Variants in EVI5 observed in about 807,000 individuals in gnomAD.
The protein encoded by EVI5 is ecotropic viral integration site 5, also known as ecotropic viral integration site 5 protein homolog.
EVI5 carries 73 observed loss-of-function variants against 112.0 expected under a neutral mutation model. The ratio of observed to expected loss-of-function variants is 0.65; its 90% CI spans 0.54 to 0.79. The LOEUF (loss-of-function observed/expected upper bound fraction) is 0.79. Ranked by LOEUF, EVI5 falls within the 30% of genes least tolerant of loss-of-function variation. The pLI is 0.00. For synonymous variants in EVI5, 305 were observed against 319.9 expected (o/e 0.95, Z 0.50); for missense variants, 900 against 968.8 (o/e 0.93, Z 0.94).
intron 13 of EVI5, among the ~76,000 whole-genome samples, chr1:92,654,333 G>A (rs545733200): frequency 6.6e-6 from 1 of 152,212 alleles, no homozygotes; most frequent in Non-Finnish European, 1.5e-5. Context: ...AATGAGATAA[G>A]ATTCTTGAGA....
At chr1:92,665,015 G>T (rs1664643493) in intron 11 of EVI5, among the ~76,000 whole-genome samples, 1 of 152,090 alleles carries the variant, frequency 6.6e-6, no homozygotes, top group Non-Finnish European at 1.5e-5. Context: ...GATCATCTTG[G>T]CCAACATGGT....
At chr1:92,688,239 T>G (rs1668889696) in intron 9 of EVI5, among the ~76,000 whole-genome samples, 1 of 152,120 alleles carries the variant, frequency 6.6e-6, no homozygotes, top group Non-Finnish European at 1.5e-5. Flanking sequence ...TGCAGGGACA[T>G]GGATGAAGCT....
chr1:92,655,685 C>G (rs1191765211), intron 13 of EVI5, among the ~76,000 whole-genome samples: 1 of 152,012 alleles, frequency 6.6e-6, no homozygotes, highest in Non-Finnish European at 1.5e-5. Flanking sequence ...ATCTTTGTAT[C>G]AGATAAAACA....
intron 2 of EVI5, among the ~76,000 whole-genome samples, chr1:92,707,391 A>G (rs994088816): frequency 3.7e-4 from 56 of 152,102 alleles, no homozygotes; most frequent in Admixed American, 1.2e-3. Flanking sequence ...AAGAAAAAAA[A>G]AAGTCTAAAC....
intron 18 of EVI5, among the ~76,000 whole-genome samples, chr1:92,604,417 G>T (rs534676620): frequency 6.6e-6 from 1 of 151,912 alleles, no homozygotes; most frequent in African/African-American, 2.4e-5. Flanking sequence ...GCCTACACAG[G>T]GTCAGCACCA....
At chr1:92,520,645 G>GT in intron 19 of EVI5, among the ~76,000 whole-genome samples, 1 of 152,122 alleles carries the variant, frequency 6.6e-6, no homozygotes, top group Admixed American at 6.5e-5. Flanking sequence ...GAGCCTAGGA[G>GT]TATGAGACTA....
chr1:92,696,042 C>T (rs1215389506), intron 6 of EVI5, among the ~76,000 whole-genome samples: 1 of 151,870 alleles, frequency 6.6e-6, no homozygotes, highest in African/African-American at 2.4e-5. Flanking sequence ...GCAATCCTCC[C>T]ATCTCAGCCT....
At chr1:92,688,673 T>C (rs1668980151) in intron 9 of EVI5, among the ~76,000 whole-genome samples, 1 of 152,198 alleles carries the variant, frequency 6.6e-6, no homozygotes, top group South Asian at 2.1e-4. Context: ...GGAAAGACTA[T>C]AGATAGAAAT....
rs559707292 is a variant in EVI5, at chr1:92,719,244, A to T, written c.150-14500T>A. Among the ~76,000 whole-genome samples, 5 of 152,142 alleles carry T rather than the reference A, an allele frequency of 3.3e-5. No homozygotes were observed. In the East Asian group the frequency reaches 7.7e-4, roughly 23 times the overall value. On this transcript the variant is annotated intron_variant, in intron 2 of 19. Coordinates refer to ENST00000684568, the MANE Select transcript of EVI5 (RefSeq NM_001350197.2). Reference sequence around the variant, plus strand: ...AAAGGTTGGCAGAGACACGATGAAAAAAAGAGAATTTTAGACCAACATCCC... The same window carrying T: ...AAAGGTTGGCAGAGACACGATGAAATAAAGAGAATTTTAGACCAACATCCC...
At chr1:92,729,369 C>T (rs1055770027) in intron 2 of EVI5, among the ~76,000 whole-genome samples, 1 of 152,084 alleles carries the variant, frequency 6.6e-6, no homozygotes, top group Non-Finnish European at 1.5e-5. Context: ...GAAAGTATCC[C>T]GCACACATAA....
chr1:92,572,620 T>C (rs993101814), intron 18 of EVI5, among the ~76,000 whole-genome samples: 1 of 152,108 alleles, frequency 6.6e-6, no homozygotes, highest in Non-Finnish European at 1.5e-5. Flanking sequence ...AAGATCTATA[T>C]GCTCTCCCCC....
chr1:92,582,664 G>A (rs960176238), intron 18 of EVI5, among the ~76,000 whole-genome samples: 5 of 152,134 alleles, frequency 3.3e-5, no homozygotes, highest in Non-Finnish European at 5.9e-5. Context: ...AACACTCAGG[G>A]ACTTTAAGGC....
chr1:92,768,169 C>A (rs145202479), intron 1 of EVI5, among the ~76,000 whole-genome samples: 4 of 150,974 alleles, frequency 2.6e-5, no homozygotes, highest in Admixed American at 6.6e-5. Context: ...CCTCAAAATG[C>A]TGCACTATAA....
intron 2 of EVI5, among the ~76,000 whole-genome samples, chr1:92,707,278 G>GA (rs1180638740): frequency 2.1e-5 from 3 of 145,898 alleles, no homozygotes; most frequent in Non-Finnish European, 4.5e-5. Flanking sequence ...AACTACAAAA[G>GA]AAAAAATTGA....
Position 92,579,637 on chromosome 1 carries a change from C to T in EVI5, c.2071-15900G>A, listed in dbSNP as rs147898148. ...TACATTTCTCCATTACTATTTATTA[C>T]TTTTAGCTTATAAATGGGAGTTCAC... On this transcript the variant is annotated intron_variant, in intron 18 of 19. Transcript: ENST00000684568. Among the ~76,000 whole-genome samples the T allele has an allele frequency of 2.9e-3, 441 of 152,186 alleles. 3 individuals carry two copies. Among genetic ancestry groups the T allele is most frequent in the African/African-American group, 0.01 (416 of 41,532 alleles).
chr1:92,716,916 C>G (rs907353890), intron 2 of EVI5, among the ~76,000 whole-genome samples: 1 of 151,654 alleles, frequency 6.6e-6, no homozygotes, highest in Non-Finnish European at 1.5e-5. Flanking sequence ...CGGAACAAAG[C>G]TGGATGGAGA....
At chr1:92,634,737 T>G (rs965975937) in intron 14 of EVI5, among the ~76,000 whole-genome samples, 5 of 152,258 alleles carry the variant, frequency 3.3e-5, no homozygotes, top group African/African-American at 1.2e-4. Context: ...TGCGTTCCTT[T>G]AGAGGAGAAG....
chr1:92,771,462 C>T (rs1332524118), intron 1 of EVI5, among the ~76,000 whole-genome samples: 1 of 152,068 alleles, frequency 6.6e-6, no homozygotes, highest in Non-Finnish European at 1.5e-5. Context: ...CAGCCTATAA[C>T]AGATACATAG....
At position 92,561,608 on chromosome 1, in the gene EVI5, CCTATCTATCTATCTATCTATCTATCTAT is replaced by C. The variant is rs80355191; in HGVS notation, c.2166+2006_2166+2033del. ...CTATCTATCTATCTATCTAATCTAT[CCTATCTATCTATCTATCTATCTATCTAT>C]CTATCTATCTATCTATCTATCTATC... On this transcript the variant is annotated intron_variant, in intron 19 of 19. Transcript: ENST00000684568. Among the ~76,000 whole-genome samples the C allele has an allele frequency of 3.1e-4, 41 of 132,246 alleles. 1 individual carries two copies. The highest frequency in any genetic ancestry group is 5.5e-4 in the African/African-American group (19 of 34,596). The allele number at this position is 132,246 out of a possible 152,430, so 86.8% of individuals were successfully genotyped here. A position where few individuals can be genotyped will look rare whatever the true frequency, so the allele number is the denominator to read the frequency against.
Sources: allele counts gnomAD v4.1 joint callset (sites outside exome capture counted in the v4.1 genomes callset), GRCh38; gene constraint gnomAD v4.1.1; transcripts MANE v1.5; gene names NCBI Gene and HGNC (gene_info 2026-07-23, HGNC 2026-07-21).